The following RAB3GAP1 variants were observed in gnomAD, a reference collection of about 807,000 sequenced individuals.
RAB3GAP1 encodes the protein RAB3 GTPase activating protein catalytic subunit 1.
RAB3GAP1 carries 86 observed loss-of-function variants against 130.7 expected under a neutral mutation model. The ratio of observed to expected loss-of-function variants is 0.66; its 90% confidence interval spans 0.55 to 0.79. The LOEUF (loss-of-function observed/expected upper bound fraction) is 0.79, where lower values mean the gene tolerates loss of function less well. RAB3GAP1 is among the 30% of genes least tolerant of loss of function. The probability of loss-of-function intolerance (pLI) is 0.00; values close to 1 mark genes in which losing one functional copy is unlikely to be tolerated. For synonymous variants in RAB3GAP1, 367 were observed against 401.7 expected (o/e 0.91, Z 1.03); for missense variants, 1,029 against 1,169.4 (o/e 0.88, Z 1.75).
At position 135,124,125 on chromosome 2, in the gene RAB3GAP1, A is replaced by AT. The variant is rs746942627; in HGVS notation, c.749-34dup. 1.7e-5 allele frequency: 26 copies of AT among 1,569,116 alleles called. No homozygotes were observed. In the Middle Eastern group the frequency reaches 5.0e-4, roughly 30 times the overall value. On this transcript the variant is annotated intron_variant, in intron 8 of 23. Transcript: ENST00000264158. Reference sequence around the variant, plus strand: ...GCTTAACTAGATTAGACTCTTCTTTATTTTTTCCCAAATGATGGAAAAATA... The same window carrying AT: ...GCTTAACTAGATTAGACTCTTCTTTATTTTTTTCCCAAATGATGGAAAAATA...
intron 8 of RAB3GAP1, among the ~76,000 whole-genome samples, chr2:135,123,680 T>C (rs947595635): frequency 3.3e-5 from 5 of 152,196 alleles, no homozygotes; most frequent in African/African-American, 1.2e-4. Context: ...GGTTCTTTTC[T>C]GATCTTTATA....
intron 17 of RAB3GAP1, among the ~76,000 whole-genome samples, chr2:135,148,754 C>T (rs1308005457): frequency 6.7e-6 from 1 of 150,322 alleles, no homozygotes; most frequent in African/African-American, 2.5e-5. Flanking sequence ...TCAAATGATC[C>T]GTCCACCTCG....
intron 17 of RAB3GAP1, chr2:135,137,095 TA>T (rs1402952131): frequency 3.9e-6 from 1 of 258,458 alleles, no homozygotes; most frequent in Non-Finnish European, 7.6e-6. Flanking sequence ...GTCTCTTAAT[TA>T]AAAAAGATTG....
chr2:135,094,514 A>G (rs757339920), intron 5 of RAB3GAP1, among the ~76,000 whole-genome samples: 5 of 152,104 alleles, frequency 3.3e-5, no homozygotes, highest in African/African-American at 4.8e-5. Flanking sequence ...TTTTTGTCCC[A>G]TTAACCATCC....
chr2:135,080,211 TTAG>T (rs1260004109), intron 3 of RAB3GAP1, among the ~76,000 whole-genome samples: 1 of 152,158 alleles, frequency 6.6e-6, no homozygotes, highest in Non-Finnish European at 1.5e-5. Flanking sequence ...ATTATCTGGC[TTAG>T]TAGGTACTTA....
intron 3 of RAB3GAP1, among the ~76,000 whole-genome samples, chr2:135,067,181 GTT>G (rs1464923196): frequency 6.6e-6 from 1 of 152,078 alleles, no homozygotes; most frequent in African/African-American, 2.4e-5. Flanking sequence ...AGAACATTTA[GTT>G]TTTTTATGGA....
Position 135,126,662 on chromosome 2 carries a change from G to C in RAB3GAP1, c.973+6G>C. ...GAATCCTCAGTGTTTGCTAGGTAAG[G>C]TATATTATGCTCCTTTCCTGAAATA... On this transcript the variant is annotated splice_donor_region_variant and intron_variant, in intron 11 of 23. Transcript: ENST00000264158. The C allele has an allele frequency of 1.2e-6, 2 of 1,602,602 alleles. No individual in the cohort carries two copies. Among genetic ancestry groups the C allele is most frequent in the South Asian group, 1.1e-5 (1 of 90,826 alleles).
chr2:135,094,945 A>G, intron 5 of RAB3GAP1, among the ~76,000 whole-genome samples: 1 of 152,160 alleles, frequency 6.6e-6, no homozygotes, highest in East Asian at 1.9e-4. Flanking sequence ...TCATTCATCT[A>G]TTGATGGGTA....
chr2:135,103,928 T>A (rs561082458), intron 5 of RAB3GAP1, among the ~76,000 whole-genome samples: 1 of 152,296 alleles, frequency 6.6e-6, no homozygotes, highest in Non-Finnish European at 1.5e-5. Context: ...TACACATCCG[T>A]AGATGACAGG....
At position 135,150,357 on chromosome 2, in the gene RAB3GAP1, T is replaced by G; in HGVS notation, c.1924-12T>G. 1 of 1,614,238 alleles carries G rather than the reference T, an allele frequency of 6.2e-7. No individual in the cohort carries two copies. Among genetic ancestry groups the G allele is most frequent in the Non-Finnish European group, 8.5e-7 (1 of 1,180,032 alleles). ...GGGCTGTTTATGAGCCTTGTCCTTT[T>G]GTGCTTCACAGGAACCAGCACCTAT... On this transcript the variant is annotated splice_polypyrimidine_tract_variant and intron_variant, in intron 17 of 23. Transcript: ENST00000264158.
Position 135,134,102 on chromosome 2 carries a change from A to AT in RAB3GAP1, c.1499+75dup, listed in dbSNP as rs1167100062. 1.7e-5 allele frequency: 26 copies of AT among 1,571,864 alleles called. No individual in the cohort carries two copies. In the East Asian group the frequency reaches 5.2e-4, roughly 31 times the overall value. On this transcript the variant is annotated intron_variant, in intron 15 of 23. Transcript: ENST00000264158. ...TTAGCAGACATTTGACTTTTGACCT[A>AT]TTTTTTCCCCCTTCTAGGAAGTCTG...
chr2:135,091,144 A>G lies in RAB3GAP1; in HGVS notation c.283+14A>G, dbSNP rs758734900. 10 of 1,550,156 alleles carry G rather than the reference A, an allele frequency of 6.5e-6. No individual in the cohort carries two copies. The Admixed American group carries it at 6.7e-5, about 10-fold the overall frequency. On this transcript the variant is annotated intron_variant, in intron 4 of 23. Coordinates refer to ENST00000264158, the MANE Select transcript of RAB3GAP1 (RefSeq NM_012233.3). ...AGTTATTAGAGGGTAAGTTATTTCT[A>G]TATAATAATATTAACTTCTGATTTG...
intron 17 of RAB3GAP1, among the ~76,000 whole-genome samples, chr2:135,146,843 C>A (rs1692006994): frequency 6.6e-6 from 1 of 151,578 alleles, no homozygotes; most frequent in African/African-American, 2.4e-5. Flanking sequence ...TATTCCCTTG[C>A]ATGGATATAC....
At chr2:135,067,469 GT>G (rs1298799828) in intron 3 of RAB3GAP1, among the ~76,000 whole-genome samples, 1 of 152,190 alleles carries the variant, frequency 6.6e-6, no homozygotes. Flanking sequence ...AAAAATAGGT[GT>G]TTTGTTATAT....
intron 3 of RAB3GAP1, among the ~76,000 whole-genome samples, chr2:135,077,289 A>G (rs1335774479): frequency 6.6e-6 from 1 of 152,104 alleles, no homozygotes; most frequent in Non-Finnish European, 1.5e-5. Context: ...AACAACAACA[A>G]CAACAACAAA....
At chr2:135,111,242 C>G (rs1479858276) in intron 5 of RAB3GAP1, among the ~76,000 whole-genome samples, 1 of 151,664 alleles carries the variant, frequency 6.6e-6, no homozygotes, top group Non-Finnish European at 1.5e-5. Flanking sequence ...CTTTATATAC[C>G]AGAGATAATA....
intron 11 of RAB3GAP1, among the ~76,000 whole-genome samples, chr2:135,129,701 T>C (rs2104941976): frequency 6.6e-6 from 1 of 152,236 alleles, no homozygotes; most frequent in African/African-American, 2.4e-5. Context: ...ATGGATACTG[T>C]GTCTCATTGA....
At chr2:135,117,052 A>AG (rs111455641) in intron 7 of RAB3GAP1, among the ~76,000 whole-genome samples, 13 of 151,972 alleles carry the variant, frequency 8.6e-5, no homozygotes, top group South Asian at 4.2e-4. Context: ...TAAAAAAAAA[A>AG]TAATGCATTT....
chr2:135,113,423 T>C (rs937434442), intron 6 of RAB3GAP1, among the ~76,000 whole-genome samples, 153 bp downstream of exon 6: 5 of 152,268 alleles, frequency 3.3e-5, no homozygotes, highest in African/African-American at 9.6e-5. Context: ...GTTACCTCTG[T>C]ATCCGCTCCC....
Sources: gnomAD v4.1 joint callset for allele counts (sites outside exome capture counted in the v4.1 genomes callset) on GRCh38, gnomAD v4.1.1 for gene constraint, MANE v1.5 for transcripts, NCBI Gene and HGNC (gene_info 2026-07-23, HGNC 2026-07-21) for gene names.